Variants in HCFC2 observed in about 807,000 individuals in gnomAD.
The protein encoded by HCFC2 is host cell factor 2.
A neutral mutation model predicts 89.2 loss-of-function variants in HCFC2; 18 were observed. The observed-to-expected ratio is 0.20, with a 90% CI of 0.14 to 0.30. The LOEUF is 0.30. Ranked by LOEUF, HCFC2 falls within the 10% of genes least tolerant of loss-of-function variation. The pLI is 1.00. For missense variants in HCFC2, 578 were observed against 956.1 expected (o/e 0.60, Z 5.21); for synonymous variants, 308 against 335.7 (o/e 0.92, Z 0.90).
chr12:104,070,284 T>G (rs923981176), intron 3 of HCFC2, among the ~76,000 whole-genome samples: 3 of 152,182 alleles, frequency 2.0e-5, no homozygotes, highest in Non-Finnish European at 4.4e-5. Flanking sequence ...CACCTTGGCC[T>G]CCCAAAGTGC....
At chr12:104,098,125 T>A (rs1393193181) in intron 12 of HCFC2, 7 of 426,006 alleles carry the variant, frequency 1.6e-5, no homozygotes, top group Non-Finnish European at 2.9e-5. Flanking sequence ...ACAGAGCTAC[T>A]GACTTGGAGA....
intron 3 of HCFC2, among the ~76,000 whole-genome samples, chr12:104,078,996 A>G (rs114324231): frequency 0.047 from 7,134 of 152,230 alleles, 187 homozygotes; most frequent in South Asian, 0.11. Flanking sequence ...TAGTTAAGCC[A>G]TTTAGGCCTT....
chr12:104,097,588 A>T (rs777399334), intron 12 of HCFC2: 105 of 763,846 alleles, frequency 1.4e-4, no homozygotes, highest in Non-Finnish European at 1.6e-4. Context: ...ATAAGCATGT[A>T]CCTCTGCTGT....
At chr12:104,097,562 T>C (rs1884212777) in intron 12 of HCFC2, 3 of 531,108 alleles carry the variant, frequency 5.6e-6, no homozygotes, top group South Asian at 1.6e-4. Flanking sequence ...GCCTAAATAT[T>C]AAAAAAATGT....
chr12:104,088,181 A>G (rs1445572677), intron 9 of HCFC2, 143 bp downstream of exon 9: 1 of 414,666 alleles, frequency 2.4e-6, no homozygotes, highest in Non-Finnish European at 4.4e-6. Flanking sequence ...GTAAACAAAC[A>G]AACAAACACA....
At chr12:104,075,097 A>T (rs1883452700) in intron 3 of HCFC2, among the ~76,000 whole-genome samples, 1 of 151,988 alleles carries the variant, frequency 6.6e-6, no homozygotes, top group African/African-American at 2.4e-5. Context: ...GTACGCACCT[A>T]TAGTCCCAGC....
At chr12:104,097,586 G>A in intron 12 of HCFC2, 1 of 745,360 alleles carries the variant, frequency 1.3e-6, no homozygotes, top group Non-Finnish European at 1.6e-6. Flanking sequence ...TTATAAGCAT[G>A]TACCTCTGCT....
chr12:104,073,464 G>A (rs753515018), intron 3 of HCFC2, among the ~76,000 whole-genome samples: 38 of 151,882 alleles, frequency 2.5e-4, no homozygotes, highest in Non-Finnish European at 3.8e-4. Flanking sequence ...TGCCCAGCCC[G>A]CTTTGCCTTT....
intron 10 of HCFC2, among the ~76,000 whole-genome samples, chr12:104,094,969 A>C (rs1305658273): frequency 6.6e-6 from 1 of 152,194 alleles, no homozygotes; most frequent in African/African-American, 2.4e-5. Context: ...AATGGAAGAC[A>C]GGGAGGATGA....
At chr12:104,085,412 G>A (rs146888177) in intron 7 of HCFC2, among the ~76,000 whole-genome samples, 6 of 152,204 alleles carry the variant, frequency 3.9e-5, no homozygotes, top group African/African-American at 1.2e-4. Context: ...AAAGTCTAAG[G>A]ATAAGCTTCA....
chr12:104,102,948 C>T lies in HCFC2; in HGVS notation c.2065-11C>T. On this transcript the variant is annotated splice_polypyrimidine_tract_variant and intron_variant, in intron 14 of 14. Transcript: ENST00000229330. ...AGAACCTTTAACCTGTTTTTTCCCC[C>T]CCCCTTCAAGAATGTTGAAGGTATC... 1 of 1,588,852 alleles carries T rather than the reference C, an allele frequency of 6.3e-7. No homozygotes were observed. Among genetic ancestry groups the T allele is most frequent in the Non-Finnish European group, 8.6e-7 (1 of 1,163,978 alleles).
chr12:104,087,433 GTGTGTGTGTA>G (rs1433920818), intron 8 of HCFC2, among the ~76,000 whole-genome samples: 3 of 85,534 alleles, frequency 3.5e-5, no homozygotes, highest in Admixed American at 1.6e-4. Context: ...GTGTGTGTGT[GTGTGTGTGTA>G]TGTGTGTGTG....
intron 3 of HCFC2, among the ~76,000 whole-genome samples, chr12:104,078,244 G>A (rs953549163): frequency 1.3e-5 from 2 of 151,998 alleles, no homozygotes; most frequent in Admixed American, 6.5e-5. Flanking sequence ...TTCGTGTTCC[G>A]CCCGCCTCAG....
chr12:104,096,334 T>C (rs773434333), intron 11 of HCFC2, 26 bp from the exon 12 acceptor site: 13 of 1,508,486 alleles, frequency 8.6e-6, no homozygotes, highest in Middle Eastern at 1.7e-4. Context: ...ATGTAAATCT[T>C]ATCTGATAAA....
At chr12:104,099,920 G>A (rs541518543) in intron 13 of HCFC2, among the ~76,000 whole-genome samples, 1 of 152,242 alleles carries the variant, frequency 6.6e-6, no homozygotes, top group South Asian at 2.1e-4. Context: ...GCTTCCCAAA[G>A]TGCTGGGATT....
chr12:104,101,514 T>C (rs537521107), intron 13 of HCFC2, among the ~76,000 whole-genome samples: 1 of 152,180 alleles, frequency 6.6e-6, no homozygotes, highest in Admixed American at 6.5e-5. Flanking sequence ...CTGTACTACA[T>C]GCTAGTCACT....
At position 104,095,422 on chromosome 12, in the gene HCFC2, C is replaced by G. The variant is rs765444385; in HGVS notation, c.1525C>G (p.Pro509Ala). Residue 509 changes from proline (P) to alanine (A), a missense_variant, in exon 11 of 15, where the codon CCT (proline) becomes GCT (alanine). By Grantham distance (27) the Pro-to-Ala change is conservative. This residue lies in a region of HCFC2 where 210 missense variants were observed against 251.7 expected (regional missense o/e 0.83). Transcript: ENST00000229330. The surrounding 1 kb of genome is among the most constrained non-coding windows in gnomAD (Gnocchi z 4.2). ...TTGCCTGGATGTAAGAACAGTAATTCCTGAAACATCTGTATCCAGTACTGT... is the reference window on the plus strand; with the variant it reads ...TTGCCTGGATGTAAGAACAGTAATTGCTGAAACATCTGTATCCAGTACTGT... ...SSCLDVRTVIPETSVSSTVSS... is the reference protein window; with the variant it reads ...SSCLDVRTVIAETSVSSTVSS... 2.3e-5 allele frequency: 37 copies of G among 1,613,574 alleles called. No homozygotes were observed. The highest frequency in any genetic ancestry group is 3.0e-5 in the Non-Finnish European group (35 of 1,179,786).
intron 3 of HCFC2, among the ~76,000 whole-genome samples, chr12:104,076,711 C>T (rs1883504925): frequency 1.3e-5 from 2 of 150,004 alleles, no homozygotes; most frequent in East Asian, 2.1e-4. Flanking sequence ...CCTGCCCCCA[C>T]CACCAACCCT....
At chr12:104,098,739 G>A (rs542670979) in intron 13 of HCFC2, among the ~76,000 whole-genome samples, 38 of 152,322 alleles carry the variant, frequency 2.5e-4, no homozygotes, top group Non-Finnish European at 4.3e-4. Flanking sequence ...AGTGGCTCAC[G>A]CCTGTAATCC....
Sources: allele counts gnomAD v4.1 joint callset (sites outside exome capture counted in the v4.1 genomes callset), GRCh38; gene constraint gnomAD v4.1.1; regional missense constraint gnomAD v4.1.1; non-coding constraint Gnocchi (gnomAD v3.1); transcripts MANE v1.5; gene names NCBI Gene and HGNC (gene_info 2026-07-23, HGNC 2026-07-21).